NAA35: variants seen among roughly 807,000 people sequenced by gnomAD.
NAA35 encodes the protein N-alpha-acetyltransferase 35, NatC auxiliary subunit.
In NAA35, 18 loss-of-function variants were observed where a neutral mutation model predicts 101.7. That is an observed-to-expected ratio of 0.18 (90% CI 0.12 to 0.26). NAA35 has a LOEUF of 0.26. Ranked by LOEUF, NAA35 falls within the 10% of genes least tolerant of loss-of-function variation. The pLI is 1.00. For synonymous variants in NAA35, 267 were observed against 273.1 expected, an observed-to-expected ratio of 0.98 and a Z score of 0.22; for missense variants, 601 against 886.8, an observed-to-expected ratio of 0.68 and a Z score of 4.09.
Position 86,023,586 on chromosome 9 carries a change from A to T in NAA35, c.*1626A>T, listed in dbSNP as rs1587683256. On this transcript the variant is annotated 3_prime_UTR_variant, in exon 23 of 23. Transcript: ENST00000361671. The stretch of plus-strand genomic sequence containing the variant: ...AAAATATGTCCCCCTTAAAAGCAAA[A>T]AAAGGAATGTAGATTAATGCAACAA... Among the ~76,000 whole-genome samples the T allele has an allele frequency of 6.6e-6, 1 of 152,192 alleles. No homozygotes were observed. The highest frequency in any genetic ancestry group is 1.5e-5 in the Non-Finnish European group (1 of 68,036).
chr9:86,010,776 C>CA (rs1831885137), intron 15 of NAA35, among the ~76,000 whole-genome samples: 1 of 150,192 alleles, frequency 6.7e-6, no homozygotes, highest in African/African-American at 2.4e-5. Context: ...GACGGGGTTT[C>CA]ACGTGTTAGC....
chr9:86,010,316 T>G (rs768492929), intron 15 of NAA35, among the ~76,000 whole-genome samples: 1 of 151,994 alleles, frequency 6.6e-6, no homozygotes, highest in Non-Finnish European at 1.5e-5. Context: ...CTTTTTTTCA[T>G]CTAATATTTC....
At position 85,966,216 on chromosome 9, in the gene NAA35, T is replaced by C. The variant is rs373602134; in HGVS notation, c.516+4036T>C. Among the ~76,000 whole-genome samples the C allele has an allele frequency of 5.9e-5, 9 of 152,152 alleles. 1 individual carries two copies. The South Asian group carries it at 6.2e-4, about 11-fold the overall frequency. The stretch of plus-strand genomic sequence containing the variant: ...CCAGCCTCCCAAAGTGCTGGAATTA[T>C]AGCTGTGAGCCACCACACCTGACCT... On this transcript the variant is annotated intron_variant, in intron 6 of 22. Coordinates refer to ENST00000361671, the MANE Select transcript of NAA35 (RefSeq NM_024635.4).
intron 6 of NAA35, among the ~76,000 whole-genome samples, chr9:85,972,063 A>C (rs1253982024): frequency 6.6e-6 from 1 of 152,156 alleles, no homozygotes; most frequent in Non-Finnish European, 1.5e-5. Flanking sequence ...CTTAGATTAA[A>C]TTCTTATTAC....
At chr9:86,002,757 TTTA>T (rs1831470996) in intron 12 of NAA35, among the ~76,000 whole-genome samples, 3 of 152,254 alleles carry the variant, frequency 2.0e-5, no homozygotes, top group East Asian at 3.9e-4. Context: ...CCTGTATCAC[TTTA>T]TTATTATTAT....
intron 5 of NAA35, among the ~76,000 whole-genome samples, chr9:85,960,680 C>T (rs986927730): frequency 6.6e-6 from 1 of 152,162 alleles, no homozygotes; most frequent in Non-Finnish European, 1.5e-5. Context: ...TAGCAGTTTA[C>T]AGTCCTAGTG....
rs571559530 is a variant in NAA35 at position 86,023,151 on chromosome 9, C to T, written c.*1191C>T. ...GTTGCCCCTCTTTGCAGCTAATGAG[C>T]CCTCTTGGCTCTCCTTTCCAAGAGC... On this transcript the variant is annotated 3_prime_UTR_variant, in exon 23 of 23. Transcript: ENST00000361671. Among the ~76,000 whole-genome samples the T allele has an allele frequency of 6.6e-6, 1 of 152,138 alleles. No homozygotes were observed. Among genetic ancestry groups the T allele is most frequent in the Non-Finnish European group, 1.5e-5 (1 of 68,030 alleles).
At chr9:85,989,045 A>T (rs1339509813) in intron 11 of NAA35, among the ~76,000 whole-genome samples, 1 of 152,252 alleles carries the variant, frequency 6.6e-6, no homozygotes, top group African/African-American at 2.4e-5. Flanking sequence ...GGATAAATTG[A>T]TAAAGAATTA....
intron 12 of NAA35, among the ~76,000 whole-genome samples, chr9:86,003,253 G>A (rs1048759500): frequency 2.0e-5 from 3 of 152,076 alleles, no homozygotes; most frequent in African/African-American, 7.2e-5. Flanking sequence ...TGATTACTTG[G>A]AATTTATTTC....
chr9:86,015,225 T>TA (rs1008401805), intron 17 of NAA35, among the ~76,000 whole-genome samples: 3 of 152,230 alleles, frequency 2.0e-5, no homozygotes, highest in African/African-American at 7.2e-5. Context: ...GAGACGCAGA[T>TA]AAATACTCCA....
At chr9:85,990,748 C>T (rs1830865944) in intron 11 of NAA35, among the ~76,000 whole-genome samples, 1 of 152,194 alleles carries the variant, frequency 6.6e-6, no homozygotes, top group African/African-American at 2.4e-5. Context: ...TTGGAGCCTG[C>T]CTTAGGGATG....
rs1300605463 is a variant in NAA35 at position 85,941,229 on chromosome 9, G to C, written c.-50G>C. 1 of 986,734 alleles carries C rather than the reference G, an allele frequency of 1.0e-6. No homozygotes were observed. The highest frequency in any genetic ancestry group is 4.6e-5 in the South Asian group (1 of 21,568). The allele number at this position is 986,734 out of a possible 1,614,324, so 61.1% of individuals were successfully genotyped here. A position where few individuals can be genotyped will look rare whatever the true frequency, so the allele number is the denominator to read the frequency against. ...GCCGAGGCGGCGTCGTTATTTCCGT[G>C]GTCCGGACAGTGCGTGGCGGCGCGG... On this transcript the variant is annotated 5_prime_UTR_variant, in exon 1 of 23. Transcript: ENST00000361671.
At position 85,995,457 on chromosome 9, in the gene NAA35, A is replaced by C. The variant is rs1831114252; in HGVS notation, c.878-942A>C. ...AACATCAACCAGTTGCTTAGGGAGA[A>C]AATACAGAGAAGAGGAAAAAGACCA... On this transcript the variant is annotated intron_variant, in intron 11 of 22. Transcript: ENST00000361671. Among the ~76,000 whole-genome samples the C allele has an allele frequency of 3.3e-5, 5 of 152,076 alleles. No homozygotes were observed. In the South Asian group the frequency reaches 1.0e-3, roughly 32 times the overall value.
intron 6 of NAA35, chr9:85,966,590 T>C: frequency 8.1e-7 from 1 of 1,234,398 alleles, no homozygotes; most frequent in Non-Finnish European, 1.1e-6. Context: ...CACCTCTTGA[T>C]CTCAGATTTC....
At chr9:85,996,269 T>C (rs1831152794) in intron 11 of NAA35, 130 bp from the exon 12 acceptor site, 1 of 593,086 alleles carries the variant, frequency 1.7e-6, no homozygotes, top group Non-Finnish European at 2.9e-6. Flanking sequence ...ATAAAATCTA[T>C]TTAGAGGATT....
At chr9:85,950,578 A>T (rs190119643) in intron 2 of NAA35, among the ~76,000 whole-genome samples, 1 of 152,282 alleles carries the variant, frequency 6.6e-6, no homozygotes, top group East Asian at 1.9e-4. Flanking sequence ...CGAGTCATCT[A>T]GTCTAACCTT....
chr9:86,013,025 CAAATT>C lies in NAA35; in HGVS notation c.1291-19_1291-15del, dbSNP rs748657961. 1 of 1,441,946 alleles carries C rather than the reference CAAATT, an allele frequency of 6.9e-7. No individual in the cohort carries two copies. The highest frequency in any genetic ancestry group is 1.5e-5 in the South Asian group (1 of 65,372). 89.3% of individuals were successfully genotyped at this position (1,441,946 alleles called of 1,614,324 possible). A position where few individuals can be genotyped will look rare whatever the true frequency, so the allele number is the denominator to read the frequency against. ...TAGGAAATTTCATATTTACAGTTGA[CAAATT>C]ATATGTGTATTGCAGCCATTCTGTA... On this transcript the variant is annotated splice_polypyrimidine_tract_variant and intron_variant, in intron 15 of 22. Transcript: ENST00000361671.
At chr9:85,993,806 C>CA (rs985062797) in intron 11 of NAA35, among the ~76,000 whole-genome samples, 8 of 151,700 alleles carry the variant, frequency 5.3e-5, no homozygotes, top group Non-Finnish European at 1.0e-4. Context: ...ATGAGATTTT[C>CA]AAAAAACCCT....
At position 85,968,932 on chromosome 9, in the gene NAA35, T is replaced by C. The variant is rs576796603; in HGVS notation, c.517-6035T>C. On this transcript the variant is annotated intron_variant, in intron 6 of 22. Transcript: ENST00000361671. ...TTCTTATATGTGATAATTGTCTCTC[T>C]TTTTGATTTGCTTAGTTTTCTATGT... Among the ~76,000 whole-genome samples the C allele has an allele frequency of 2.6e-5, 4 of 152,334 alleles. No homozygotes were observed. In the South Asian group the frequency reaches 8.3e-4, roughly 32 times the overall value.
Sources: allele counts gnomAD v4.1 joint callset (sites outside exome capture counted in the v4.1 genomes callset), GRCh38; gene constraint gnomAD v4.1.1; transcripts MANE v1.5; gene names NCBI Gene and HGNC (gene_info 2026-07-23, HGNC 2026-07-21).